IFI35: variants seen among roughly 807,000 people sequenced by gnomAD.
The protein encoded by IFI35 is interferon-induced 35 kDa protein.
Under a neutral mutation model 28.6 loss-of-function variants are expected in IFI35, and 30 were observed. The observed-to-expected ratio is 1.05, with a 90% CI of 0.79 to 1.43. The LOEUF (loss-of-function observed/expected upper bound fraction) is 1.43, where lower values mean the gene tolerates loss of function less well. IFI35 is among the 40% of genes most tolerant of loss of function. The probability of loss-of-function intolerance (pLI) is 0.00; values close to 1 mark genes in which losing one functional copy is unlikely to be tolerated. For synonymous variants in IFI35, 146 were observed against 154.8 expected (o/e 0.94, Z 0.42); for missense variants, 372 against 356.9 (o/e 1.04, Z -0.34).
intron 1 of IFI35, among the ~76,000 whole-genome samples, chr17:43,008,319 C>A (rs1421755733): frequency 1.3e-5 from 2 of 150,084 alleles, no homozygotes; most frequent in Admixed American, 6.7e-5. Flanking sequence ...CAGGTGTAAG[C>A]CACCATGCCC....
At position 43,013,031 on chromosome 17, in the gene IFI35, C is replaced by T. The variant is rs1465624275; in HGVS notation, c.121-16C>T. On this transcript the variant is annotated splice_polypyrimidine_tract_variant and intron_variant, in intron 2 of 6. Transcript: ENST00000415816. ...TGGGAGTGAGGAACACTCCTACTCC[C>T]CTCCCCTACTTCCAGGTCCCATTTT... 1.9e-6 allele frequency: 3 copies of T among 1,612,734 alleles called. No homozygotes were observed. Among genetic ancestry groups the T allele is most frequent in the African/African-American group, 2.7e-5 (2 of 74,990 alleles).
At chr17:43,012,078 C>A in intron 1 of IFI35, 101 bp from the exon 2 acceptor site, 1 of 794,808 alleles carries the variant, frequency 1.3e-6, no homozygotes, top group Non-Finnish European at 2.0e-6. Context: ...TTAGCATCAA[C>A]TCTGCTTTTG....
intron 1 of IFI35, among the ~76,000 whole-genome samples, chr17:43,010,114 T>C (rs191558321): frequency 2.5e-3 from 381 of 151,602 alleles, no homozygotes; most frequent in African/African-American, 8.9e-3. Context: ...CGGGCACCTG[T>C]AGTCCCAGCT....
intron 6 of IFI35, 68 bp from the exon 7 acceptor site, chr17:43,014,040 G>A: frequency 1.3e-6 from 2 of 1,500,658 alleles, no homozygotes; most frequent in Non-Finnish European, 1.8e-6. Flanking sequence ...ATGGGGCACT[G>A]CCTGCCCTAC....
chr17:43,013,710 A>C, intron 5 of IFI35, 48 bp downstream of exon 5: 1 of 1,610,818 alleles, frequency 6.2e-7, no homozygotes, highest in Non-Finnish European at 8.5e-7. Context: ...TAGGGTGTGC[A>C]AGATTACGGT....
At chr17:43,010,097 G>A (rs899162018) in intron 1 of IFI35, among the ~76,000 whole-genome samples, 6 of 151,758 alleles carry the variant, frequency 4.0e-5, no homozygotes, top group Non-Finnish European at 8.8e-5. Context: ...TTAGCCAGGC[G>A]TGGTGGCGGG....
At chr17:43,012,489 C>G (rs2050470026) in intron 2 of IFI35, 1 of 350,012 alleles carries the variant, frequency 2.9e-6, no homozygotes. Flanking sequence ...GCCTGTAATC[C>G]CAGCACTTTG....
Position 43,013,168 on chromosome 17 carries a change from C to G in IFI35, c.242C>G (p.Ala81Gly). Residue 81 changes from alanine (A) to glycine (G), a missense_variant, in exon 3 of 7, where the codon GCT (alanine) becomes GGT (glycine). Ala to Gly is a moderately conservative substitution (Grantham distance 60). Transcript: ENST00000415816. Reference sequence around the variant, plus strand: ...CACTGCCCTCTGCTTGCGGGCTCTGCTCTGATCACCTTTGATGACCCCAAA... The same window carrying G: ...CACTGCCCTCTGCTTGCGGGCTCTGGTCTGATCACCTTTGATGACCCCAAA... ...RIHCPLLAGS[A>G]LITFDDPKVA... is the part of the protein sequence containing the mutation. The G allele has an allele frequency of 6.2e-7, 1 of 1,614,074 alleles. No homozygotes were observed. The highest frequency in any genetic ancestry group is 8.5e-7 in the Non-Finnish European group (1 of 1,180,014).
chr17:43,007,114 G>A lies in IFI35; in HGVS notation c.21+146G>A, dbSNP rs2050414392. ...AGGGCTGGGGAGAAACACAGGGCTG[G>A]GGTTGCCTCTGCAAGAGTTGGTTCC... is the stretch of plus-strand genomic sequence containing the variant. On this transcript the variant is annotated intron_variant, in intron 1 of 6. Transcript: ENST00000415816. 5 of 895,596 alleles carry A rather than the reference G, an allele frequency of 5.6e-6. No individual in the cohort carries two copies. The East Asian group carries it at 1.0e-4, about 18-fold the overall frequency. 55.5% of individuals were successfully genotyped at this position (895,596 alleles called of 1,614,324 possible).
In IFI35 at chr17:43,012,228, G is replaced by C; in HGVS notation, c.71G>C (p.Trp24Ser). 6.3e-7 allele frequency: 1 copy of C among 1,579,444 alleles called. No homozygotes were observed. Among genetic ancestry groups the C allele is most frequent in the Non-Finnish European group, 8.6e-7 (1 of 1,162,250 alleles). ...CAGGCCAGACTCAAGATGAGGCTGT[G>C]GGACCTGCAGCAGCTGAGAAAGGAG... is the stretch of plus-strand genomic sequence containing the variant. ...EEQARLKMRL[W>S]DLQQLRKELG... is the part of the protein sequence containing the mutation. The change falls in exon 2 of 7, where the codon TGG (tryptophan) becomes TCG (serine). Residue 24 changes from tryptophan (W) to serine (S), a missense_variant. Trp to Ser is a radical substitution (Grantham distance 177, BLOSUM62 -3). Transcript: ENST00000415816.
intron 1 of IFI35, among the ~76,000 whole-genome samples, chr17:43,008,704 TG>T (rs1391294619): frequency 6.6e-6 from 1 of 151,670 alleles, no homozygotes; most frequent in Non-Finnish European, 1.5e-5. Flanking sequence ...TTTGTATTTT[TG>T]GTAGAGATGG....
At chr17:43,012,039 A>C in intron 1 of IFI35, 140 bp from the exon 2 acceptor site, 2 of 563,894 alleles carry the variant, frequency 3.5e-6, no homozygotes, top group Non-Finnish European at 6.1e-6. Flanking sequence ...AGCCCAGGGC[A>C]GCACAAAGGG....
chr17:43,012,121 C>G (rs2050464361), intron 1 of IFI35, 58 bp from the exon 2 acceptor site: 2 of 1,292,442 alleles, frequency 1.5e-6, no homozygotes, highest in Non-Finnish European at 2.1e-6. Flanking sequence ...TTCCCCTGGG[C>G]TTGTTGATTC....
Position 43,011,882 on chromosome 17 carries a change from G to A in IFI35, c.22-297G>A, listed in dbSNP as rs572076748. On this transcript the variant is annotated intron_variant, in intron 1 of 6. Coordinates refer to ENST00000415816, the MANE Select transcript of IFI35 (RefSeq NM_001330230.2). ...ATCTTCCACTGCCTGTGTCAGTGCCGAGCACTTTCTAGCAGGAGCTTAATC... is the reference window on the plus strand; with the variant it reads ...ATCTTCCACTGCCTGTGTCAGTGCCAAGCACTTTCTAGCAGGAGCTTAATC... 5.3e-4 allele frequency among the ~76,000 whole-genome samples: 80 copies of A among 152,236 alleles called. 2 individuals are homozygous for A. The Middle Eastern group carries it at 0.017, about 32-fold the overall frequency.
At position 43,012,338 on chromosome 17, in the gene IFI35, C is replaced by T. The variant is rs1478349797; in HGVS notation, c.120+61C>T. On this transcript the variant is annotated intron_variant, in intron 2 of 6. Transcript: ENST00000415816. ...GAGCTGGCGAGGCCGGGTGCGGTGGCTCACACCTGTAAACCCAGCACTTTG... is the reference window on the plus strand; with the variant it reads ...GAGCTGGCGAGGCCGGGTGCGGTGGTTCACACCTGTAAACCCAGCACTTTG... 10 of 1,262,414 alleles carry T rather than the reference C, an allele frequency of 7.9e-6. No homozygotes were observed. The East Asian group carries it at 2.6e-4, about 33-fold the overall frequency. 78.2% of individuals were successfully genotyped at this position (1,262,414 alleles called of 1,614,324 possible).
rs1461626278 is a variant in IFI35 at position 43,013,101 on chromosome 17, G to A, written c.175G>A (p.Asp59Asn). Residue 59 changes from aspartate (D) to asparagine (N), a missense_variant, in exon 3 of 7, where the codon GAC becomes AAC. By Grantham distance (23) the Asp-to-Asn change is conservative. Transcript: ENST00000415816. ...GGTATTCCGAGGACACACCCAGCAG[G>A]ACCCGGAAGTGCCTAAGTCTTTAGT... ...PLVFRGHTQQ[D>N]PEVPKSLVSN... The A allele has an allele frequency of 3.7e-6, 6 of 1,613,930 alleles. No homozygotes were observed. In the African/African-American group the frequency reaches 5.3e-5, roughly 14 times the overall value.
At chr17:43,007,055 C>A in intron 1 of IFI35, 87 bp downstream of exon 1, 1 of 1,387,556 alleles carries the variant, frequency 7.2e-7, no homozygotes, top group Non-Finnish European at 1.0e-6. Context: ...GGCCTGGCAG[C>A]CAAGCCTCAC....
rs2050411070 is a variant in IFI35 at position 43,006,805 on chromosome 17, C to T, written c.-143C>T. The T allele has an allele frequency of 2.5e-6, 2 of 812,736 alleles. No homozygotes were observed. The highest frequency in any genetic ancestry group is 1.7e-5 in the African/African-American group (1 of 59,764). The allele number at this position is 812,736 out of a possible 1,614,324, so 50.3% of individuals were successfully genotyped here. ...GAAGCAAACAGCCTGCGAGCAGAGCCTCCTGAGGTGTATTTCGGGTCTTGC... is the reference window on the plus strand; with the variant it reads ...GAAGCAAACAGCCTGCGAGCAGAGCTTCCTGAGGTGTATTTCGGGTCTTGC... On this transcript the variant is annotated 5_prime_UTR_variant, in exon 1 of 7. Coordinates refer to ENST00000415816, the MANE Select transcript of IFI35 (RefSeq NM_001330230.2).
At chr17:43,007,503 T>TAAAA (rs777529685) in intron 1 of IFI35, among the ~76,000 whole-genome samples, 1 of 108,556 alleles carries the variant, frequency 9.2e-6, no homozygotes, top group Non-Finnish European at 1.9e-5. Flanking sequence ...AGACTCTGTC[T>TAAAA]AAAAAAAAAA....
Sources: gnomAD v4.1 joint callset for allele counts (sites outside exome capture counted in the v4.1 genomes callset) on GRCh38, gnomAD v4.1.1 for gene constraint, MANE v1.5 for transcripts, NCBI Gene and HGNC (gene_info 2026-07-23, HGNC 2026-07-21) for gene names.